Variants in CACNA2D1 observed in about 807,000 individuals in gnomAD.
CACNA2D1 encodes the protein calcium voltage-gated channel auxiliary subunit alpha2delta 1, also known as voltage-dependent calcium channel subunit alpha-2/delta-1.
In CACNA2D1, 53 loss-of-function variants were observed where a neutral mutation model predicts 171.5. The observed-to-expected ratio is 0.31, with a 90% confidence interval of 0.25 to 0.39. The LOEUF (loss-of-function observed/expected upper bound fraction) is 0.39, where lower values mean the gene tolerates loss of function less well. Among genes scored for constraint, CACNA2D1 ranks in the 10% least tolerant of loss-of-function variants. CACNA2D1 has a pLI of 1.00. For synonymous variants in CACNA2D1, 442 were observed against 443.1 expected, an observed-to-expected ratio of 1.00 and a Z score of 0.03; for missense variants, 903 against 1,299.8, an observed-to-expected ratio of 0.69 and a Z score of 4.69.
In CACNA2D1 at chr7:82,302,468, T is replaced by C. The variant is rs564590354; in HGVS notation, c.294+32667A>G. On this transcript the variant is annotated intron_variant, in intron 3 of 38. Transcript: ENST00000356860. ...TCTTGATGCCCAGGCTGGAGTGCAA[T>C]GGTGCAATCTCGGTTCATGGCTGGC... Among the ~76,000 whole-genome samples the C allele has an allele frequency of 5.1e-4, 76 of 149,934 alleles. No homozygotes were observed. In the Middle Eastern group the frequency reaches 0.01, roughly 20 times the overall value.
chr7:82,066,442 T>G lies in CACNA2D1; in HGVS notation c.728+13A>C, dbSNP rs149406906. 3.6e-4 allele frequency: 587 copies of G among 1,610,786 alleles called. 8 individuals carry two copies. The East Asian group carries it at 9.0e-3, about 25-fold the overall frequency. On this transcript the variant is annotated intron_variant, in intron 8 of 38. Transcript: ENST00000356860. ...CCTATTTTATCTTTTCATGGCTAGC[T>G]AAAAATTCTTACCATGGTCTTCTGC...
At chr7:82,230,784 T>C (rs998021987) in intron 3 of CACNA2D1, among the ~76,000 whole-genome samples, 1 of 152,212 alleles carries the variant, frequency 6.6e-6, no homozygotes. Context: ...ACTGGAAATA[T>C]ACATATCTCT....
chr7:82,133,844 G>A (rs1296290900), intron 5 of CACNA2D1, among the ~76,000 whole-genome samples: 2 of 152,114 alleles, frequency 1.3e-5, no homozygotes, highest in Non-Finnish European at 2.9e-5. Flanking sequence ...AGGCCGAAGC[G>A]GGTGGATCAG....
intron 12 of CACNA2D1, among the ~76,000 whole-genome samples, chr7:82,020,042 T>C (rs752549516): frequency 1.7e-4 from 26 of 152,186 alleles, no homozygotes; most frequent in Non-Finnish European, 3.2e-4. Flanking sequence ...TCCAGTTTTA[T>C]AGCATTATGT....
chr7:82,087,494 A>G (rs1304538853), intron 6 of CACNA2D1, among the ~76,000 whole-genome samples: 1 of 151,940 alleles, frequency 6.6e-6, no homozygotes, highest in Non-Finnish European at 1.5e-5. Context: ...TAAAATACCA[A>G]AACTAGAAAG....
At chr7:81,965,696 T>A (rs1794648011) in intron 31 of CACNA2D1, 31 bp from the exon 32 acceptor site, 9 of 1,350,682 alleles carry the variant, frequency 6.7e-6, no homozygotes, top group Non-Finnish European at 9.6e-6. Flanking sequence ...GTTAACACAT[T>A]TTTAGAAAGG....
At chr7:82,323,095 C>T (rs1372813839) in intron 3 of CACNA2D1, among the ~76,000 whole-genome samples, 3 of 152,094 alleles carry the variant, frequency 2.0e-5, no homozygotes, top group Admixed American at 6.5e-5. Flanking sequence ...ATCAGATTGT[C>T]TTTGAATTTA....
chr7:82,196,398 G>A (rs1798856088), intron 3 of CACNA2D1, among the ~76,000 whole-genome samples: 1 of 152,046 alleles, frequency 6.6e-6, no homozygotes, highest in African/African-American at 2.4e-5. Context: ...AGGCAGACTA[G>A]CTGGACACAC....
intron 1 of CACNA2D1, among the ~76,000 whole-genome samples, chr7:82,401,085 G>GT (rs1421642525): frequency 3.9e-5 from 6 of 152,092 alleles, no homozygotes; most frequent in African/African-American, 1.4e-4. Flanking sequence ...TGGAGAAATA[G>GT]TAACACTTTT....
chr7:82,301,397 T>C (rs2129425272), intron 3 of CACNA2D1, among the ~76,000 whole-genome samples: 1 of 152,292 alleles, frequency 6.6e-6, no homozygotes, highest in Non-Finnish European at 1.5e-5. Flanking sequence ...AGTGCTGGGA[T>C]TATAAGCGTG....
At chr7:82,201,439 G>A (rs556204911) in intron 3 of CACNA2D1, among the ~76,000 whole-genome samples, 2 of 151,740 alleles carry the variant, frequency 1.3e-5, no homozygotes, top group South Asian at 4.2e-4. Context: ...TAGGTGTCTG[G>A]ATAATTTGGC....
chr7:81,960,916 C>CTCCTCTTTATATACT (rs1227501853), intron 36 of CACNA2D1, among the ~76,000 whole-genome samples: 1 of 152,018 alleles, frequency 6.6e-6, no homozygotes, highest in Non-Finnish European at 1.5e-5. Flanking sequence ...TCCCTTTCCT[C>CTCCTCTTTATATACT]TCCTCTTTAT....
intron 3 of CACNA2D1, among the ~76,000 whole-genome samples, chr7:82,222,915 T>TG (rs1801946437): frequency 6.6e-6 from 1 of 150,672 alleles, no homozygotes; most frequent in African/African-American, 2.4e-5. Context: ...TTTTTTTGTT[T>TG]GTTTGTTTGT....
At chr7:81,962,240 T>C (rs1250602650) in intron 35 of CACNA2D1, among the ~76,000 whole-genome samples, 200 bp downstream of exon 35, 1 of 151,934 alleles carries the variant, frequency 6.6e-6, no homozygotes, top group East Asian at 1.9e-4. Context: ...AAGATGGCTA[T>C]GAGATCAGGC....
intron 2 of CACNA2D1, among the ~76,000 whole-genome samples, chr7:82,341,967 T>C (rs1243121635): frequency 7.2e-6 from 1 of 137,992 alleles, no homozygotes; most frequent in Admixed American, 8.5e-5. Context: ...GGCAGGAGAA[T>C]GGCGTGAACC....
intron 3 of CACNA2D1, among the ~76,000 whole-genome samples, chr7:82,184,752 AATG>A (rs1204715134): frequency 4.6e-5 from 7 of 152,322 alleles, no homozygotes; most frequent in Non-Finnish European, 7.3e-5. Flanking sequence ...TATTAAGAAT[AATG>A]ATGGTTAAAA....
At chr7:82,111,428 G>GTGTGTATATATATATA (rs1413914216) in intron 6 of CACNA2D1, among the ~76,000 whole-genome samples, 20 of 50,396 alleles carry the variant, frequency 4.0e-4, no homozygotes, top group African/African-American at 1.9e-3. Context: ...ATATATGTGT[G>GTGTGTATATATATATA]TATATATATA....
chr7:82,404,384 T>G (rs1402969794), intron 1 of CACNA2D1, among the ~76,000 whole-genome samples: 1 of 152,150 alleles, frequency 6.6e-6, no homozygotes, highest in African/African-American at 2.4e-5. Context: ...AGATGAACCC[T>G]TTCTTTCCGA....
chr7:81,958,216 C>CATTACTGATTTTATTACTTCT (rs1793667716), intron 38 of CACNA2D1, among the ~76,000 whole-genome samples: 1 of 151,922 alleles, frequency 6.6e-6, no homozygotes, highest in Admixed American at 6.6e-5. Context: ...TTTTAGTCCC[C>CATTACTGATTTTATTACTTCT]ATTACTGATT....
Sources: allele counts gnomAD v4.1 joint callset (sites outside exome capture counted in the v4.1 genomes callset), GRCh38; gene constraint gnomAD v4.1.1; transcripts MANE v1.5; gene names NCBI Gene and HGNC (gene_info 2026-07-23, HGNC 2026-07-21).